SEMA3D: variants seen among roughly 807,000 people sequenced by gnomAD.
SEMA3D encodes the protein semaphorin 3D.
SEMA3D carries 84 observed loss-of-function variants against 100.1 expected under a neutral mutation model. The observed-to-expected ratio is 0.84, with a 90% CI of 0.70 to 1.01. The LOEUF (loss-of-function observed/expected upper bound fraction) is 1.01. SEMA3D is among the 50% of genes least tolerant of loss of function. SEMA3D has a pLI of 0.00. For synonymous variants in SEMA3D, 312 were observed against 320.7 expected, an observed-to-expected ratio of 0.97 and a Z score of 0.29; for missense variants, 875 against 934.1, an observed-to-expected ratio of 0.94 and a Z score of 0.82.
At chr7:85,250,165 TA>T in the SEMA3D span, among the ~76,000 whole-genome samples, 1 of 150,808 alleles carries the variant, frequency 6.6e-6, no homozygotes, top group African/African-American at 2.4e-5. Context: ...CCGACAGGCT[TA>T]AAAAATGGCG....
At chr7:85,102,698 A>G (rs80016515) in intron 3 of SEMA3D, among the ~76,000 whole-genome samples, 1 of 152,056 alleles carries the variant, frequency 6.6e-6, no homozygotes, top group East Asian at 1.9e-4. Context: ...GGTCAGGAAG[A>G]CTATCCAGAG....
intron 1 of SEMA3D, among the ~76,000 whole-genome samples, chr7:85,154,839 G>GGTTT (rs1347741513): frequency 2.6e-5 from 4 of 152,074 alleles, no homozygotes; most frequent in African/African-American, 9.7e-5. Context: ...AAAGAGAAAA[G>GGTTT]AGTAAAACCT....
chr7:85,003,020 A>G (rs984125215), intron 18 of SEMA3D, among the ~76,000 whole-genome samples: 3 of 152,152 alleles, frequency 2.0e-5, no homozygotes, highest in Non-Finnish European at 4.4e-5. Context: ...CAAACACAAA[A>G]TATTACTAGA....
chr7:85,190,650 A>G (rs1584002888), upstream of SEMA3D, among the ~76,000 whole-genome samples: 1 of 152,126 alleles, frequency 6.6e-6, no homozygotes, highest in East Asian at 1.9e-4. Flanking sequence ...GGGGAAAAAA[A>G]CACACCTGAC....
chr7:85,176,781 C>CATAT (rs372304790), intron 1 of SEMA3D, among the ~76,000 whole-genome samples: 6,109 of 146,330 alleles, frequency 0.042, 217 homozygotes, highest in East Asian at 0.2. Flanking sequence ...TATTTGTATA[C>CATAT]ATATATATAT....
intron 1 of SEMA3D, among the ~76,000 whole-genome samples, chr7:85,183,635 C>CA (rs770531768): frequency 1.2e-4 from 19 of 152,180 alleles, no homozygotes; most frequent in Non-Finnish European, 2.6e-4. Context: ...TAAAGCAAAT[C>CA]ATTAGTAAAG....
At chr7:85,146,060 A>T (rs1458496266) in intron 2 of SEMA3D, among the ~76,000 whole-genome samples, 2 of 152,134 alleles carry the variant, frequency 1.3e-5, no homozygotes, top group Non-Finnish European at 2.9e-5. Flanking sequence ...GGTTGAGTCC[A>T]CAGGTGTGGA....
chr7:85,163,534 G>T (rs1259471144), intron 1 of SEMA3D, among the ~76,000 whole-genome samples: 1 of 151,986 alleles, frequency 6.6e-6, no homozygotes, highest in Non-Finnish European at 1.5e-5. Context: ...CAACAGAAAG[G>T]ATAACAGGAC....
chr7:85,217,167 T>C, the SEMA3D span, among the ~76,000 whole-genome samples: 1 of 152,064 alleles, frequency 6.6e-6, no homozygotes, highest in Admixed American at 6.6e-5. Context: ...TTATCTGCAC[T>C]TCTCTAGCTA....
At chr7:85,105,023 C>T (rs566341962) in intron 3 of SEMA3D, among the ~76,000 whole-genome samples, 19 of 152,124 alleles carry the variant, frequency 1.2e-4, no homozygotes, top group African/African-American at 4.6e-4. Context: ...CAAATTATTG[C>T]CCTGCCCACT....
chr7:85,113,693 C>A (rs1178510487), intron 3 of SEMA3D, among the ~76,000 whole-genome samples: 1 of 151,316 alleles, frequency 6.6e-6, no homozygotes, highest in African/African-American at 2.4e-5. Flanking sequence ...ATCGCTTGAA[C>A]CCAGGAGGTG....
chr7:85,228,109 G>GA, the SEMA3D span, among the ~76,000 whole-genome samples: 1 of 152,040 alleles, frequency 6.6e-6, no homozygotes, highest in Non-Finnish European at 1.5e-5. Context: ...ATTTTATGAT[G>GA]AAAAATGACA....
intron 1 of SEMA3D, among the ~76,000 whole-genome samples, chr7:85,175,205 A>C (rs1435111676): frequency 6.6e-6 from 1 of 152,186 alleles, no homozygotes; most frequent in Non-Finnish European, 1.5e-5. Context: ...TTCACTGTAC[A>C]CTATTAACTT....
chr7:85,145,754 A>G (rs903003568), intron 2 of SEMA3D, among the ~76,000 whole-genome samples: 5 of 152,154 alleles, frequency 3.3e-5, no homozygotes, highest in African/African-American at 1.2e-4. Flanking sequence ...GTCATCCCTC[A>G]AGATTCGTGG....
chr7:85,078,406 G>A (rs755408061), intron 5 of SEMA3D, among the ~76,000 whole-genome samples: 1 of 152,100 alleles, frequency 6.6e-6, no homozygotes, highest in Non-Finnish European at 1.5e-5. Context: ...TCCGGAGGAC[G>A]CTTTAACTTT....
chr7:85,116,722 C>A (rs1252796056), intron 3 of SEMA3D, among the ~76,000 whole-genome samples: 1 of 151,914 alleles, frequency 6.6e-6, no homozygotes, highest in African/African-American at 2.4e-5. Flanking sequence ...ATGTTATATT[C>A]TAGAAGTTTT....
chr7:85,036,950 T>C lies in SEMA3D; in HGVS notation c.1130A>G (p.Glu377Gly), dbSNP rs200509134. Reference sequence around the variant, plus strand: ...CTGCACCCAACGATGGTCTGCACTTTCCTTATGAGCATATGGACCATTAAA... The same window carrying C: ...CTGCACCCAACGATGGTCTGCACTTCCCTTATGAGCATATGGACCATTAAA... ...AVFNGPYAHK[E>G]SADHRWVQYD... The change falls in exon 12 of 19, where the codon GAA becomes GGA. Residue 377 changes from glutamate to glycine, a missense_variant. Glu to Gly is a moderately conservative substitution (Grantham distance 98). Transcript: ENST00000284136. The C allele has an allele frequency of 6.2e-7, 1 of 1,613,548 alleles. No individual in the cohort carries two copies. The highest frequency in any genetic ancestry group is 2.2e-5 in the East Asian group (1 of 44,852).
At chr7:85,235,674 G>A in the SEMA3D span, among the ~76,000 whole-genome samples, 1 of 152,110 alleles carries the variant, frequency 6.6e-6, no homozygotes, top group African/African-American at 2.4e-5. Flanking sequence ...TATTTTAGAA[G>A]AAATAGAAGT....
At chr7:85,164,218 A>G (rs1262366733) in intron 1 of SEMA3D, among the ~76,000 whole-genome samples, 2 of 152,244 alleles carry the variant, frequency 1.3e-5, no homozygotes, top group South Asian at 2.1e-4. Context: ...CCTTCACTGA[A>G]TAATAACTTG....
Sources: allele counts gnomAD v4.1 joint callset (sites outside exome capture counted in the v4.1 genomes callset), GRCh38; gene constraint gnomAD v4.1.1; transcripts MANE v1.5; gene names NCBI Gene and HGNC (gene_info 2026-07-23, HGNC 2026-07-21).